RFXANK: variants seen among roughly 807,000 people sequenced by gnomAD.
RFXANK encodes the protein regulatory factor X associated ankyrin containing protein, also known as DNA-binding protein RFXANK.
RFXANK carries 19 observed loss-of-function variants against 34.5 expected under a neutral mutation model. That is an observed-to-expected ratio of 0.55 (90% CI 0.38 to 0.81). The LOEUF is 0.81. Ranked by LOEUF, RFXANK falls within the 30% of genes least tolerant of loss-of-function variation. The pLI, the probability that RFXANK is intolerant of heterozygous loss-of-function variation, is 0.00. For missense variants in RFXANK, 295 were observed against 343.5 expected, an observed-to-expected ratio of 0.86 and a Z score of 1.12; for synonymous variants, 154 against 149.8, an observed-to-expected ratio of 1.03 and a Z score of -0.20.
rs939566502 is a variant in RFXANK at position 19,198,249 on chromosome 19, C to T, written c.564+17C>T. On this transcript the variant is annotated intron_variant, in intron 7 of 9. Transcript: ENST00000303088. ...TATGATTGGGTGAGGGACTGCCCAT[C>T]CCCAGGACCTCTCAGCCTCCTGGCC... is the stretch of plus-strand genomic sequence containing the variant. The T allele has an allele frequency of 2.5e-6, 4 of 1,613,934 alleles. No individual in the cohort carries two copies. Among genetic ancestry groups the T allele is most frequent in the Admixed American group, 3.3e-5 (2 of 59,982 alleles).
rs780019385 is a variant in RFXANK at position 19,198,146 on chromosome 19, G to A, written c.478G>A (p.Ala160Thr). 25 of 1,614,100 alleles carry A rather than the reference G, an allele frequency of 1.5e-5. No individual in the cohort carries two copies. Among genetic ancestry groups the A allele is most frequent in the Non-Finnish European group, 1.9e-5 (22 of 1,180,012 alleles). Residue 160 changes from alanine to threonine, a missense_variant, in exon 7 of 10, where the codon GCC becomes ACC. Transcript: ENST00000303088. ...PHILAKERES[A>T]LSLASTGGYT... is the part of the protein sequence containing the mutation. The stretch of plus-strand genomic sequence containing the variant: ...CATCCTGGCAAAAGAGCGAGAGAGC[G>A]CCCTGTCGCTGGCCAGCACAGGCGG...
chr19:19,197,780 G>A (rs563004032), intron 6 of RFXANK, 159 bp downstream of exon 6: 10 of 709,896 alleles, frequency 1.4e-5, no homozygotes, highest in South Asian at 1.2e-4. Flanking sequence ...AGGCCGAGGC[G>A]GGTGGATCAC....
At chr19:19,199,389 C>T (rs1393035415) in intron 9 of RFXANK, among the ~76,000 whole-genome samples, 155 bp downstream of exon 9, 3 of 152,136 alleles carry the variant, frequency 2.0e-5, no homozygotes, top group Non-Finnish European at 4.4e-5. Flanking sequence ...CTGGGAACAT[C>T]CCAGTCCTGG....
chr19:19,199,039 C>T, intron 8 of RFXANK, 115 bp from the exon 9 acceptor site: 1 of 1,067,192 alleles, frequency 9.4e-7, no homozygotes, highest in South Asian at 1.3e-5. Context: ...GGGCAACGGG[C>T]AGACCCACGG....
intron 8 of RFXANK, 154 bp downstream of exon 8, chr19:19,198,877 G>A (rs2060648182): frequency 2.4e-6 from 2 of 844,598 alleles, no homozygotes; most frequent in Admixed American, 2.0e-5. Context: ...CAGAGGGGAG[G>A]AGGTGGTAGG....
rs544215532 is a variant in RFXANK at position 19,201,081 on chromosome 19, G to A, written c.713-568G>A. Among the ~76,000 whole-genome samples the A allele has an allele frequency of 3.3e-5, 5 of 152,128 alleles. No individual in the cohort carries two copies. In the South Asian group the frequency reaches 1.0e-3, roughly 32 times the overall value. On this transcript the variant is annotated intron_variant, in intron 9 of 9. Coordinates refer to ENST00000303088, the MANE Select transcript of RFXANK (RefSeq NM_003721.4). ...CCCAAAGTGCTGGGATTACAGGCAT[G>A]AGCCACCACACCCGGCTGCACCTGG...
intron 9 of RFXANK, among the ~76,000 whole-genome samples, chr19:19,200,193 T>C (rs1393216264): frequency 6.7e-6 from 1 of 149,146 alleles, no homozygotes; most frequent in East Asian, 2.0e-4. Context: ...TTTTTTTTTT[T>C]TGGACATGGA....
At chr19:19,199,053 C>A in intron 8 of RFXANK, 101 bp from the exon 9 acceptor site, 2 of 1,173,328 alleles carry the variant, frequency 1.7e-6, no homozygotes, top group East Asian at 2.4e-5. Context: ...CCCACGGCTG[C>A]ATTGTGGGGA....
At chr19:19,199,358 G>C in intron 9 of RFXANK, 124 bp downstream of exon 9, 3 of 940,476 alleles carry the variant, frequency 3.2e-6, no homozygotes, top group Non-Finnish European at 5.2e-6. Context: ...GACAGGTGTT[G>C]AGCACTGCTG....
At position 19,192,277 on chromosome 19, in the gene RFXANK, G is replaced by C. The variant is rs1005551497; in HGVS notation, c.-427G>C. The C allele has an allele frequency of 1.0e-6, 1 of 964,972 alleles. No individual in the cohort carries two copies. Among genetic ancestry groups the C allele is most frequent in the African/African-American group, 1.6e-5 (1 of 61,250 alleles). 59.8% of individuals were successfully genotyped at this position (964,972 alleles called of 1,614,324 possible). A position where few individuals can be genotyped will look rare whatever the true frequency, so the allele number is the denominator to read the frequency against. ...CTCAGTCTTTGCGGACAAGAAAGGG[G>C]CTGTGTGAGACGCAGGGAAGGAGGC... is the stretch of plus-strand genomic sequence containing the variant. On this transcript the variant is annotated 5_prime_UTR_variant, in exon 1 of 10. Transcript: ENST00000303088.
chr19:19,192,792 C>T (rs895335897), intron 1 of RFXANK, 168 bp from the exon 2 acceptor site: 4 of 152,040 alleles, frequency 2.6e-5, no homozygotes, highest in Non-Finnish European at 5.9e-5. Flanking sequence ...ACTGCCCTCC[C>T]AGGACCCCAG....
intron 9 of RFXANK, 117 bp downstream of exon 9, chr19:19,199,351 A>AG: frequency 9.8e-7 from 1 of 1,016,098 alleles, no homozygotes; most frequent in Admixed American, 1.7e-5. Flanking sequence ...GTGTGTTGAC[A>AG]GGTGTTGAGC....
At position 19,199,193 on chromosome 19, in the gene RFXANK, A is replaced by G. The variant is rs376955692; in HGVS notation, c.671A>G (p.Tyr224Cys). 34 of 1,613,778 alleles carry G rather than the reference A, an allele frequency of 2.1e-5. No homozygotes were observed. The highest frequency in any genetic ancestry group is 2.9e-5 in the Non-Finnish European group (34 of 1,179,956). Residue 224 changes from tyrosine (Y) to cysteine (C), a missense_variant, in exon 9 of 10, where the codon TAC (tyrosine) becomes TGC (cysteine). Transcript: ENST00000303088. ...ADLTTEADSG[Y>C]TPMDLAVALG... ...CTCACCACCGAAGCCGACTCTGGCT[A>G]CACCCCGATGGACCTTGCCGTGGCC...
intron 1 of RFXANK, 86 bp downstream of exon 1, chr19:19,192,640 C>T (rs1395780902): frequency 3.9e-5 from 6 of 155,012 alleles, no homozygotes; most frequent in African/African-American, 1.4e-4. Flanking sequence ...TACCCGAAGC[C>T]GGAGCCAATT....
At chr19:19,192,801 A>G (rs1324168459) in intron 1 of RFXANK, 159 bp from the exon 2 acceptor site, 1 of 152,344 alleles carries the variant, frequency 6.6e-6, no homozygotes, top group Admixed American at 6.6e-5. Flanking sequence ...CCAGGACCCC[A>G]GCGGAACCCA....
At chr19:19,195,471 A>G (rs1458525714) in intron 3 of RFXANK, among the ~76,000 whole-genome samples, 1 of 150,898 alleles carries the variant, frequency 6.6e-6, no homozygotes, top group East Asian at 2.0e-4. Flanking sequence ...CATCCAGCTA[A>G]TTTTTGTGTT....
At chr19:19,198,059 T>C in intron 6 of RFXANK, 48 bp from the exon 7 acceptor site, 1 of 1,608,380 alleles carries the variant, frequency 6.2e-7, no homozygotes. Context: ...CCAGGATTCC[T>C]GGTTATGCCC....
intron 8 of RFXANK, 120 bp downstream of exon 8, chr19:19,198,843 G>A: frequency 7.9e-6 from 8 of 1,013,734 alleles, no homozygotes; most frequent in Non-Finnish European, 1.2e-5. Flanking sequence ...GGTAGTCCCT[G>A]CCTGCTCTTC....
intron 7 of RFXANK, among the ~76,000 whole-genome samples, 168 bp downstream of exon 7, chr19:19,198,400 A>C (rs1019923878): frequency 6.6e-6 from 1 of 152,216 alleles, no homozygotes; most frequent in Non-Finnish European, 1.5e-5. Context: ...GAAGGCAGAC[A>C]TGGAAACAGG....
Sources: gnomAD v4.1 joint callset for allele counts (sites outside exome capture counted in the v4.1 genomes callset) on GRCh38, gnomAD v4.1.1 for gene constraint, MANE v1.5 for transcripts, NCBI Gene and HGNC (gene_info 2026-07-23, HGNC 2026-07-21) for gene names.